IL1R2: variants seen among roughly 807,000 people sequenced by gnomAD.
IL1R2 encodes interleukin 1 receptor type 2.
IL1R2 carries 46 observed loss-of-function variants against 39.5 expected under a neutral mutation model. The ratio of observed to expected loss-of-function variants is 1.16; its 90% CI spans 0.92 to 1.49. The LOEUF is 1.49. IL1R2 is among the 40% of genes most tolerant of loss of function. The probability of loss-of-function intolerance (pLI) is 0.00; values close to 1 mark genes in which losing one functional copy is unlikely to be tolerated. For synonymous variants in IL1R2, 207 were observed against 189.6 expected, an observed-to-expected ratio of 1.09 and a Z score of -0.75; for missense variants, 537 against 502.0, an observed-to-expected ratio of 1.07 and a Z score of -0.67.
At position 102,024,638 on chromosome 2, in the gene IL1R2, C is replaced by A; in HGVS notation, c.857C>A (p.Pro286Gln). ...ANDTHIESAY[P>Q]GGRVTEGPRQ... is the part of the protein sequence containing the mutation. ...GACACCCACATAGAGAGCGCCTACC[C>A]GGGAGGCCGCGTGACCGAGGGGCCA... Residue 286 changes from proline to glutamine, a missense_variant, in exon 7 of 9, where the codon CCG becomes CAG. Physicochemically the swap from Pro to Gln is moderately conservative, Grantham distance 76. Coordinates refer to ENST00000332549, the MANE Select transcript of IL1R2 (RefSeq NM_004633.4). 1 of 1,614,050 alleles carries A rather than the reference C, an allele frequency of 6.2e-7. No homozygotes were observed. The highest frequency in any genetic ancestry group is 8.5e-7 in the Non-Finnish European group (1 of 1,179,966).
At chr2:102,003,897 G>A (rs191181767) in intron 1 of IL1R2, among the ~76,000 whole-genome samples, 188 of 151,946 alleles carry the variant, frequency 1.2e-3, no homozygotes, top group African/African-American at 4.3e-3. Context: ...GTCTGTGTCT[G>A]TGTCTCTGTC....
At chr2:102,003,226 C>T in intron 1 of IL1R2, among the ~76,000 whole-genome samples, 1 of 150,634 alleles carries the variant, frequency 6.6e-6, no homozygotes, top group Non-Finnish European at 1.5e-5. Flanking sequence ...GTGTCTGTGT[C>T]TGGCTGTGGC....
At chr2:102,015,820 T>G in intron 3 of IL1R2, 51 bp from the exon 4 acceptor site, 1 of 1,414,162 alleles carries the variant, frequency 7.1e-7, no homozygotes, top group Non-Finnish European at 1.0e-6. Flanking sequence ...TTCATTTAGC[T>G]TTACTTTTAT....
intron 8 of IL1R2, 58 bp downstream of exon 8, chr2:102,026,311 G>A: frequency 7.9e-7 from 1 of 1,265,894 alleles, no homozygotes; most frequent in African/African-American, 1.5e-5. Flanking sequence ...ATGTTCCATG[G>A]ATACTAGACA....
chr2:102,022,241 C>G lies in IL1R2; in HGVS notation c.743C>G (p.Ala248Gly), dbSNP rs768536544. 6.2e-7 allele frequency: 1 copy of G among 1,613,430 alleles called. No homozygotes were observed. The highest frequency in any genetic ancestry group is 1.1e-5 in the South Asian group (1 of 91,076). The change falls in exon 6 of 9, where the codon GCT becomes GGT. Residue 248 changes from alanine to glycine, a missense_variant. Ala to Gly is a moderately conservative substitution (Grantham distance 60, BLOSUM62 0). Coordinates refer to ENST00000332549, the MANE Select transcript of IL1R2 (RefSeq NM_004633.4). ...VIISPLKTIS[A>G]SLGSRLTIPC... is the part of the protein sequence containing the mutation. ...ATTTCCCCCCTCAAGACCATATCAG[C>G]TTCTCTGGGTAAGGCCCACAAGGAC...
intron 1 of IL1R2, among the ~76,000 whole-genome samples, chr2:101,999,818 G>A (rs761765624): frequency 6.6e-5 from 10 of 152,202 alleles, no homozygotes; most frequent in East Asian, 1.9e-4. Flanking sequence ...AGATGTATAC[G>A]TGTGTATGCA....
At chr2:101,995,277 C>T (rs973503043) in intron 1 of IL1R2, among the ~76,000 whole-genome samples, 5 of 152,094 alleles carry the variant, frequency 3.3e-5, no homozygotes, top group South Asian at 4.1e-4. Context: ...TGGTCAGAGA[C>T]TTAAAGCAGC....
intron 1 of IL1R2, among the ~76,000 whole-genome samples, chr2:102,001,580 C>A (rs1166651830): frequency 6.6e-6 from 1 of 152,144 alleles, no homozygotes; most frequent in Non-Finnish European, 1.5e-5. Flanking sequence ...TCCTATAGAA[C>A]AAAAGCAGTT....
rs1399485114 is a variant in IL1R2 at position 102,026,196 on chromosome 2, A to T, written c.973A>T (p.Lys325Ter). Residue 325 changes from lysine to a stop codon, truncating the protein, a stop_gained, in exon 8 of 9, where the codon AAA (lysine) becomes TAA (stop). Transcript: ENST00000332549. LOFTEE classifies it high-confidence loss of function. Reference sequence around the variant, plus strand: ...AAGAGAGGATTTGCACATGGATTTTAAATGTGTTGTCCATAATACCCTGAG... The same window carrying T: ...AAGAGAGGATTTGCACATGGATTTTTAATGTGTTGTCCATAATACCCTGAG... ...VTREDLHMDF[K>*]CVVHNTLSFQ... 1 of 1,613,056 alleles carries T rather than the reference A, an allele frequency of 6.2e-7. No individual in the cohort carries two copies. The highest frequency in any genetic ancestry group is 1.7e-5 in the Admixed American group (1 of 59,978).
chr2:102,009,283 C>A (rs763817941), intron 2 of IL1R2, among the ~76,000 whole-genome samples: 1 of 152,028 alleles, frequency 6.6e-6, no homozygotes, highest in Admixed American at 6.5e-5. Flanking sequence ...TTTTTGTCAC[C>A]GTAGAAACCT....
chr2:102,010,004 T>G, intron 3 of IL1R2, 178 bp downstream of exon 3: 1 of 712,268 alleles, frequency 1.4e-6, no homozygotes, highest in Non-Finnish European at 2.3e-6. Flanking sequence ...TCATTCTGTC[T>G]CCATTTAGTC....
chr2:102,022,060 C>G lies in IL1R2; in HGVS notation c.689-127C>G. On this transcript the variant is annotated intron_variant, in intron 5 of 8. Transcript: ENST00000332549. Reference sequence around the variant, plus strand: ...AGCCTGTTTCCTTTGCCAGACAAAGCCTGACTCTCATAATGACTGGCCATA... The same window carrying G: ...AGCCTGTTTCCTTTGCCAGACAAAGGCTGACTCTCATAATGACTGGCCATA... 4 of 773,098 alleles carry G rather than the reference C, an allele frequency of 5.2e-6. No homozygotes were observed. In the East Asian group the frequency reaches 9.8e-5, roughly 19 times the overall value. 47.9% of individuals were successfully genotyped at this position (773,098 alleles called of 1,614,324 possible). A position where few individuals can be genotyped will look rare whatever the true frequency, so the allele number is the denominator to read the frequency against.
Position 102,026,110 on chromosome 2 carries a change from G to A in IL1R2, c.888-1G>A. On this transcript the variant is annotated splice_acceptor_variant, in intron 7 of 8. Coordinates refer to ENST00000332549, the MANE Select transcript of IL1R2 (RefSeq NM_004633.4). LOFTEE classifies it high-confidence loss of function. ...ATTAAGTGAATGTTTTTTTAACTCAGGGAATATTCAGAAAATAATGAGAAC... is the reference window on the plus strand; with the variant it reads ...ATTAAGTGAATGTTTTTTTAACTCAAGGAATATTCAGAAAATAATGAGAAC... 3.1e-6 allele frequency: 5 copies of A among 1,594,172 alleles called. No homozygotes were observed. Among genetic ancestry groups the A allele is most frequent in the Non-Finnish European group, 4.3e-6 (5 of 1,169,106 alleles).
At chr2:102,026,079 A>T in intron 7 of IL1R2, 32 bp from the exon 8 acceptor site, 1 of 1,536,502 alleles carries the variant, frequency 6.5e-7, no homozygotes, top group South Asian at 1.2e-5. Flanking sequence ...ATTCGATACA[A>T]TCATAATTAA....
rs58345449 is a variant in IL1R2, at chr2:102,003,988, G to GGTCTATGTCTATGTCTATGTCTAT, written c.-61-4488_-61-4465dup. 6.7e-3 allele frequency among the ~76,000 whole-genome samples: 941 copies of GGTCTATGTCTATGTCTATGTCTAT among 140,518 alleles called. 8 individuals are homozygous for GGTCTATGTCTATGTCTATGTCTAT. Among genetic ancestry groups the GGTCTATGTCTATGTCTATGTCTAT allele is most frequent in the Non-Finnish European group, 9.0e-3 (580 of 64,296 alleles). The allele number at this position is 140,518 out of a possible 152,430, so 92.2% of individuals were successfully genotyped here. A position where few individuals can be genotyped will look rare whatever the true frequency, so the allele number is the denominator to read the frequency against. On this transcript the variant is annotated intron_variant, in intron 1 of 8. Coordinates refer to ENST00000332549, the MANE Select transcript of IL1R2 (RefSeq NM_004633.4). Reference sequence around the variant, plus strand: ...AGGTCTAGGTCTTGGTCTCGGTCTGGGTCTATGTCTATGTCTATGTCTATG... The same window carrying GGTCTATGTCTATGTCTATGTCTAT: ...AGGTCTAGGTCTTGGTCTCGGTCTGGGTCTATGTCTATGTCTATGTCTATGTCTATGTCTATGTCTATGTCTATG...
rs1271097897 is a variant in IL1R2, at chr2:102,015,922, T to C, written c.384T>C (p.Asn128=). Residue 128 remains asparagine, a synonymous_variant, in exon 4 of 9, where the codon AAT becomes AAC. Transcript: ENST00000332549. ...CCATTGAGCTCAGAGTTTTTGAGAA[T>C]ACAGATGCTTTCCTGCCGTTCATCT... is the stretch of plus-strand genomic sequence containing the variant. The part of the protein sequence containing the change: ...KMSIELRVFE[N]TDAFLPFISY... The C allele has an allele frequency of 1.9e-6, 3 of 1,614,086 alleles. No homozygotes were observed. The highest frequency in any genetic ancestry group is 2.5e-6 in the Non-Finnish European group (3 of 1,179,922).
chr2:102,003,361 T>G (rs1007992784), intron 1 of IL1R2, among the ~76,000 whole-genome samples: 2 of 144,482 alleles, frequency 1.4e-5, no homozygotes, highest in African/African-American at 5.3e-5. Flanking sequence ...TGTGTCTGTG[T>G]CGGTGTCTGT....
intron 1 of IL1R2, among the ~76,000 whole-genome samples, chr2:101,997,219 G>T (rs1675635236): frequency 6.6e-6 from 1 of 152,192 alleles, no homozygotes; most frequent in African/African-American, 2.4e-5. Context: ...CCGAGGTCTG[G>T]TGCCTCAGTT....
At chr2:102,013,587 G>GAA (rs57976300) in intron 3 of IL1R2, among the ~76,000 whole-genome samples, 6 of 60,964 alleles carry the variant, frequency 9.8e-5, no homozygotes, top group South Asian at 5.8e-4. Flanking sequence ...AAAAGAAAAA[G>GAA]AAAAAAAAAA....
Sources: allele counts gnomAD v4.1 joint callset (sites outside exome capture counted in the v4.1 genomes callset), GRCh38; gene constraint gnomAD v4.1.1; transcripts MANE v1.5; gene names NCBI Gene and HGNC (gene_info 2026-07-23, HGNC 2026-07-21).